Variants in CHIC2 observed in about 807,000 individuals in gnomAD.
CHIC2 encodes cysteine rich hydrophobic domain 2.
In CHIC2, 14 loss-of-function variants were observed where a neutral mutation model predicts 25.9. That is an observed-to-expected ratio of 0.54 (90% CI 0.36 to 0.85). The LOEUF (loss-of-function observed/expected upper bound fraction) is 0.85. Ranked by LOEUF, CHIC2 falls within the 40% of genes least tolerant of loss-of-function variation. The pLI, the probability that CHIC2 is intolerant of heterozygous loss-of-function variation, is 0.01. For missense variants in CHIC2, 146 were observed against 202.0 expected, an observed-to-expected ratio of 0.72 and a Z score of 1.68; for synonymous variants, 70 against 72.0, an observed-to-expected ratio of 0.97 and a Z score of 0.14.
intron 3 of CHIC2, among the ~76,000 whole-genome samples, chr4:54,026,471 G>C (rs1346259494): frequency 6.6e-6 from 1 of 152,176 alleles, no homozygotes; most frequent in African/African-American, 2.4e-5. Context: ...AGTGAGCCAA[G>C]AGTGTGCCAC....
chr4:54,062,534 C>T (rs1052824643), intron 1 of CHIC2, among the ~76,000 whole-genome samples: 2 of 152,166 alleles, frequency 1.3e-5, no homozygotes, highest in Non-Finnish European at 2.9e-5. Flanking sequence ...TAGCCAACTA[C>T]AATCAAGTTT....
intron 1 of CHIC2, chr4:54,060,277 A>G (rs995375956): frequency 1.3e-5 from 2 of 152,240 alleles, no homozygotes; most frequent in African/African-American, 2.4e-5. Flanking sequence ...CATATCTGGA[A>G]TGAAAACAAG....
chr4:54,064,384 G>C lies in CHIC2; in HGVS notation c.-84C>G. 6.4e-7 allele frequency: 1 copy of C among 1,565,898 alleles called. No homozygotes were observed. The highest frequency in any genetic ancestry group is 8.6e-7 in the Non-Finnish European group (1 of 1,158,626). ...ACCGGCGGGCGAGGCGGCGGAGGCT[G>C]AGGGGAGTCGCCGCTGCCGCCGGCT... On this transcript the variant is annotated 5_prime_UTR_variant, in exon 1 of 6. Transcript: ENST00000263921. The surrounding 1 kb of genome is among the most constrained non-coding windows in gnomAD (Gnocchi z 4.2).
intron 3 of CHIC2, among the ~76,000 whole-genome samples, chr4:54,022,099 C>G (rs1347633068): frequency 2.0e-5 from 3 of 152,156 alleles, no homozygotes. Context: ...AATCTGGCCA[C>G]TGAGCCAAGG....
At chr4:54,085,725 C>G in the CHIC2 span, among the ~76,000 whole-genome samples, 1 of 152,118 alleles carries the variant, frequency 6.6e-6, no homozygotes, top group Non-Finnish European at 1.5e-5. Context: ...CACAGGCCGA[C>G]AGTGGAGGGA....
chr4:54,018,217 A>C (rs1715798974), intron 3 of CHIC2, among the ~76,000 whole-genome samples: 1 of 152,170 alleles, frequency 6.6e-6, no homozygotes, highest in African/African-American at 2.4e-5. Context: ...ATACCTTCCA[A>C]AGAAGCATCT....
At position 54,064,388 on chromosome 4, in the gene CHIC2, G is replaced by A. The variant is rs963285993; in HGVS notation, c.-88C>T. On this transcript the variant is annotated 5_prime_UTR_variant, in exon 1 of 6. Transcript: ENST00000263921. This position sits in a 1 kb window ranked among gnomAD's most constrained non-coding sequence, Gnocchi z 4.2. The stretch of plus-strand genomic sequence containing the variant: ...GCGGGCGAGGCGGCGGAGGCTGAGG[G>A]GAGTCGCCGCTGCCGCCGGCTCCGA... 1.3e-6 allele frequency: 2 copies of A among 1,560,992 alleles called. No homozygotes were observed. The highest frequency in any genetic ancestry group is 1.8e-4 in the Middle Eastern group (1 of 5,590).
At chr4:54,031,887 TG>T (rs1488633895) in intron 3 of CHIC2, among the ~76,000 whole-genome samples, 3 of 152,026 alleles carry the variant, frequency 2.0e-5, no homozygotes, top group African/African-American at 7.2e-5. Context: ...CTCAAAGTGC[TG>T]GGATTACAGG....
At chr4:54,042,765 A>C (rs958324294) in intron 3 of CHIC2, among the ~76,000 whole-genome samples, 3 of 152,234 alleles carry the variant, frequency 2.0e-5, no homozygotes, top group Admixed American at 2.0e-4. Flanking sequence ...ATGATGAAAA[A>C]AAAAGAACCA....
At chr4:54,045,780 G>T (rs1716765564) in intron 3 of CHIC2, among the ~76,000 whole-genome samples, 2 of 151,818 alleles carry the variant, frequency 1.3e-5, no homozygotes, top group South Asian at 4.2e-4. Flanking sequence ...ATTCAACATA[G>T]TGTTGGAAGT....
upstream of CHIC2, chr4:54,065,361 C>G (rs1447120154): frequency 1.1e-5 from 11 of 977,214 alleles, no homozygotes; most frequent in Non-Finnish European, 1.3e-5. Context: ...CAAACATAAC[C>G]TGGTTTTTGT....
At chr4:54,041,960 T>C (rs1159895419) in intron 3 of CHIC2, among the ~76,000 whole-genome samples, 1 of 150,904 alleles carries the variant, frequency 6.6e-6, no homozygotes, top group Non-Finnish European at 1.5e-5. Flanking sequence ...TATACCTATG[T>C]AACAAACCTG....
intron 3 of CHIC2, among the ~76,000 whole-genome samples, chr4:54,028,778 C>A (rs1037534079): frequency 1.3e-5 from 2 of 152,136 alleles, no homozygotes; most frequent in African/African-American, 4.8e-5. Context: ...TTTGGAATAA[C>A]TGGTATTATA....
At chr4:54,086,844 A>G in the CHIC2 span, 30 of 521,394 alleles carry the variant, frequency 5.8e-5, no homozygotes, top group African/African-American at 5.1e-4. Flanking sequence ...ACCATCCTGC[A>G]AGATCTATAA....
chr4:54,036,102 T>C (rs1265666969), intron 3 of CHIC2, among the ~76,000 whole-genome samples: 1 of 152,218 alleles, frequency 6.6e-6, no homozygotes, highest in Non-Finnish European at 1.5e-5. Flanking sequence ...TTAAGACTTG[T>C]TTAATTACTT....
intron 3 of CHIC2, among the ~76,000 whole-genome samples, chr4:54,043,324 C>T (rs1003875913): frequency 9.3e-5 from 14 of 150,304 alleles, no homozygotes; most frequent in African/African-American, 2.7e-4. Context: ...AGGAGGCTGA[C>T]ACAGGAGAAT....
At chr4:54,045,792 C>A (rs1193047510) in intron 3 of CHIC2, among the ~76,000 whole-genome samples, 2 of 152,022 alleles carry the variant, frequency 1.3e-5, no homozygotes, top group Non-Finnish European at 2.9e-5. Flanking sequence ...GTTGGAAGTT[C>A]TGGCCAGGGC....
At chr4:54,043,018 A>G (rs925167556) in intron 3 of CHIC2, among the ~76,000 whole-genome samples, 2 of 152,114 alleles carry the variant, frequency 1.3e-5, no homozygotes, top group Non-Finnish European at 2.9e-5. Context: ...ACTTAACAAA[A>G]TTTCATTTTT....
chr4:54,048,678 T>G (rs551012282), intron 3 of CHIC2, among the ~76,000 whole-genome samples: 2 of 152,180 alleles, frequency 1.3e-5, no homozygotes, highest in South Asian at 4.1e-4. Context: ...CCAGCATCCT[T>G]GATCACTATA....
Sources: gnomAD v4.1 joint callset for allele counts (sites outside exome capture counted in the v4.1 genomes callset) on GRCh38, gnomAD v4.1.1 for gene constraint, Gnocchi (gnomAD v3.1) non-coding constraint, MANE v1.5 for transcripts, NCBI Gene and HGNC (gene_info 2026-07-23, HGNC 2026-07-21) for gene names.